FAM227B: variants seen among roughly 807,000 people sequenced by gnomAD.
FAM227B encodes the protein protein FAM227B.
FAM227B carries 88 observed loss-of-function variants against 73.8 expected under a neutral mutation model. That is an observed-to-expected ratio of 1.19 (90% CI 1.00 to 1.42). The LOEUF (loss-of-function observed/expected upper bound fraction) is 1.42, where lower values mean the gene tolerates loss of function less well. Among genes scored for constraint, FAM227B ranks in the 40% most tolerant of loss-of-function variants. The pLI, the probability that FAM227B is intolerant of heterozygous loss-of-function variation, is 0.00. For missense variants in FAM227B, 632 were observed against 590.9 expected, an observed-to-expected ratio of 1.07 and a Z score of -0.72; for synonymous variants, 210 against 190.5, an observed-to-expected ratio of 1.10 and a Z score of -0.84.
At chr15:49,468,063 C>A (rs1041952526) in intron 11 of FAM227B, among the ~76,000 whole-genome samples, 1 of 152,062 alleles carries the variant, frequency 6.6e-6, no homozygotes, top group Non-Finnish European at 1.5e-5. Flanking sequence ...GAAAGTATTG[C>A]TATAATTGTA....
intron 5 of FAM227B, among the ~76,000 whole-genome samples, chr15:49,579,070 C>T (rs917882158): frequency 2.0e-5 from 3 of 152,096 alleles, no homozygotes; most frequent in African/African-American, 7.2e-5. Context: ...TTCAACATCA[C>T]AAATCATCAG....
chr15:49,576,702 T>A (rs2075464077), intron 7 of FAM227B, 39 bp downstream of exon 7: 1 of 1,164,072 alleles, frequency 8.6e-7, no homozygotes, highest in South Asian at 1.3e-5. Flanking sequence ...AATCATACTG[T>A]CAAAATGTAT....
chr15:49,539,221 T>C (rs2070712157), intron 10 of FAM227B, among the ~76,000 whole-genome samples: 1 of 152,162 alleles, frequency 6.6e-6, no homozygotes, highest in East Asian at 1.9e-4. Flanking sequence ...CACTGAAAAT[T>C]GCAGCATCCT....
chr15:49,397,692 T>G (rs1288537671), intron 11 of FAM227B, among the ~76,000 whole-genome samples: 1 of 152,144 alleles, frequency 6.6e-6, no homozygotes, highest in Non-Finnish European at 1.5e-5. Context: ...GGGGCCAATA[T>G]TCAAAATTTT....
intron 11 of FAM227B, among the ~76,000 whole-genome samples, chr15:49,430,469 G>T (rs1365860191): frequency 6.6e-6 from 1 of 151,846 alleles, no homozygotes; most frequent in East Asian, 2.0e-4. Context: ...AGGAAACCCA[G>T]GGGGAGAGAA....
chr15:49,367,862 A>AAC, intron 12 of FAM227B: 1 of 134,708 alleles, frequency 7.4e-6, no homozygotes, highest in African/African-American at 3.5e-5. Flanking sequence ...CAGTCTTAAG[A>AAC]ACAGAAAAAA....
chr15:49,333,346 C>G (rs1388301911), intron 14 of FAM227B, among the ~76,000 whole-genome samples: 2 of 152,150 alleles, frequency 1.3e-5, no homozygotes, highest in Non-Finnish European at 2.9e-5. Context: ...CTTTAACAAG[C>G]ACGTGAGATT....
chr15:49,489,913 G>C (rs2056925889), intron 11 of FAM227B, among the ~76,000 whole-genome samples: 6 of 27,560 alleles, frequency 2.2e-4, no homozygotes, highest in East Asian at 1.4e-3. Context: ...GAGAGAGAGA[G>C]ACAGAGAGAG....
At chr15:49,463,279 C>A (rs1254082412) in intron 11 of FAM227B, among the ~76,000 whole-genome samples, 1 of 152,186 alleles carries the variant, frequency 6.6e-6, no homozygotes, top group South Asian at 2.1e-4. Flanking sequence ...TTCGGCCAGG[C>A]ACAGTGGCTC....
intron 10 of FAM227B, among the ~76,000 whole-genome samples, chr15:49,538,797 G>T (rs913134735): frequency 1.3e-5 from 2 of 151,798 alleles, no homozygotes; most frequent in Non-Finnish European, 2.9e-5. Context: ...CAGAGTTCTG[G>T]TTTTTTAAAT....
intron 13 of FAM227B, chr15:49,365,290 G>T (rs939647522): frequency 1.3e-6 from 2 of 1,524,190 alleles, no homozygotes; most frequent in Admixed American, 3.4e-5. Context: ...CTAAATAGAG[G>T]AGAGCAGGTT....
intron 13 of FAM227B, among the ~76,000 whole-genome samples, chr15:49,344,956 G>A (rs1201529631): frequency 6.6e-6 from 1 of 152,132 alleles, no homozygotes; most frequent in African/African-American, 2.4e-5. Context: ...TACAACCAAT[G>A]ATACACTTTT....
chr15:49,330,220 A>G (rs2038393819), intron 15 of FAM227B: 1 of 152,232 alleles, frequency 6.6e-6, no homozygotes, highest in Non-Finnish European at 1.5e-5. Flanking sequence ...AGGCTCAGTG[A>G]GAGTGAAGGC....
At chr15:49,422,852 A>C in intron 11 of FAM227B, 1 of 664,238 alleles carries the variant, frequency 1.5e-6, no homozygotes, top group Non-Finnish European at 2.5e-6. Context: ...GTTTTGTTCT[A>C]ACATTCTGAG....
intron 3 of FAM227B, among the ~76,000 whole-genome samples, chr15:49,601,523 G>A (rs763214714): frequency 7.9e-5 from 12 of 152,004 alleles, no homozygotes; most frequent in Non-Finnish European, 1.6e-4. Context: ...GTGCATGGTA[G>A]GTATATATAT....
At chr15:49,602,356 A>T (rs2077260705) in intron 3 of FAM227B, among the ~76,000 whole-genome samples, 1 of 140,004 alleles carries the variant, frequency 7.1e-6, no homozygotes, top group Non-Finnish European at 1.7e-5. Flanking sequence ...GTGAGATTGT[A>T]TGTCACTATA....
At chr15:49,579,530 T>C (rs777994549) in intron 5 of FAM227B, among the ~76,000 whole-genome samples, 2 of 152,146 alleles carry the variant, frequency 1.3e-5, no homozygotes, top group African/African-American at 2.4e-5. Context: ...TTAAGTGAAA[T>C]AAGGCACAGA....
chr15:49,455,607 T>C (rs2053209885), intron 11 of FAM227B, among the ~76,000 whole-genome samples: 1 of 152,188 alleles, frequency 6.6e-6, no homozygotes, highest in Non-Finnish European at 1.5e-5. Context: ...GATAAAAGTC[T>C]TTAAAGAAAT....
chr15:49,565,650 G>A (rs1312632402), intron 9 of FAM227B, among the ~76,000 whole-genome samples: 1 of 152,048 alleles, frequency 6.6e-6, no homozygotes, highest in Non-Finnish European at 1.5e-5. Context: ...CTGAATACTG[G>A]TGCAAAATAT....
Sources: allele counts gnomAD v4.1 joint callset (sites outside exome capture counted in the v4.1 genomes callset), GRCh38; gene constraint gnomAD v4.1.1; transcripts MANE v1.5; gene names NCBI Gene and HGNC (gene_info 2026-07-23, HGNC 2026-07-21).